DLGAP5: variants seen among roughly 807,000 people sequenced by gnomAD.
DLGAP5 encodes DLG associated protein 5.
Under a neutral mutation model 99.6 loss-of-function variants are expected in DLGAP5, and 90 were observed. The ratio of observed to expected loss-of-function variants is 0.90; its 90% CI spans 0.76 to 1.08. The LOEUF is 1.08. DLGAP5 is among the 50% of genes least tolerant of loss of function. The pLI, the probability that DLGAP5 is intolerant of heterozygous loss-of-function variation, is 0.00. For synonymous variants in DLGAP5, 311 were observed against 321.3 expected, an observed-to-expected ratio of 0.97 and a Z score of 0.34; for missense variants, 1,036 against 983.5, an observed-to-expected ratio of 1.05 and a Z score of -0.71.
chr14:55,159,716 TAGTA>T (rs1337927512), intron 13 of DLGAP5, among the ~76,000 whole-genome samples: 1 of 152,128 alleles, frequency 6.6e-6, no homozygotes, highest in Non-Finnish European at 1.5e-5. Flanking sequence ...AATTAGAGCT[TAGTA>T]AGTGTGGTCT....
chr14:55,156,008 G>T (rs374411802), intron 14 of DLGAP5, among the ~76,000 whole-genome samples: 1 of 151,752 alleles, frequency 6.6e-6, no homozygotes, highest in Non-Finnish European at 1.5e-5. Context: ...GGAGAATGGC[G>T]TGAACCCAGG....
chr14:55,169,455 T>C lies in DLGAP5; in HGVS notation c.1492A>G (p.Ile498Val), dbSNP rs1460120141. Reference sequence around the variant, plus strand: ...AGATCTGTACAGGTAGTCTCCTTTATACCTCGTTTATATTCACAATCATCA... The same window carrying C: ...AGATCTGTACAGGTAGTCTCCTTTACACCTCGTTTATATTCACAATCATCA... ...LVDDCEYKRG[I>V]KETTCTDLDG... The change falls in exon 12 of 19, where the codon ATA (isoleucine) becomes GTA (valine). Residue 498 changes from isoleucine (I) to valine (V), a missense_variant. Transcript: ENST00000247191. The C allele has an allele frequency of 6.2e-7, 1 of 1,612,778 alleles. No homozygotes were observed. Among genetic ancestry groups the C allele is most frequent in the Admixed American group, 1.7e-5 (1 of 59,768 alleles).
chr14:55,175,284 T>C, intron 10 of DLGAP5, 62 bp downstream of exon 10: 7 of 1,509,936 alleles, frequency 4.6e-6, no homozygotes, highest in Non-Finnish European at 5.4e-6. Flanking sequence ...AAATTTTTAG[T>C]TTTGGTTTTA....
intron 11 of DLGAP5, among the ~76,000 whole-genome samples, chr14:55,169,775 T>C (rs1048636536): frequency 6.6e-6 from 1 of 152,234 alleles, no homozygotes; most frequent in African/African-American, 2.4e-5. Flanking sequence ...CTCATACATA[T>C]TGCTATATAC....
chr14:55,155,572 T>C (rs1462611966), intron 14 of DLGAP5, among the ~76,000 whole-genome samples: 3 of 151,646 alleles, frequency 2.0e-5, no homozygotes. Context: ...GGTCTCGAAC[T>C]CCTGACCTCA....
intron 14 of DLGAP5, among the ~76,000 whole-genome samples, chr14:55,157,555 AAATTC>A (rs1489956807): frequency 6.6e-6 from 1 of 152,200 alleles, no homozygotes; most frequent in Non-Finnish European, 1.5e-5. Context: ...CAATTGAGAT[AAATTC>A]AATTCAAGAA....
At chr14:55,189,873 G>T (rs1013604785) in intron 1 of DLGAP5, among the ~76,000 whole-genome samples, 1 of 152,032 alleles carries the variant, frequency 6.6e-6, no homozygotes, top group Non-Finnish European at 1.5e-5. Context: ...TCAACCTTCA[G>T]CTCCTCTCCC....
intron 13 of DLGAP5, among the ~76,000 whole-genome samples, chr14:55,161,260 C>T (rs61975415): frequency 0.012 from 1,823 of 152,128 alleles, 20 homozygotes; most frequent in Non-Finnish European, 0.019. Context: ...ATTAATATTT[C>T]CAGGACTAAA....
chr14:55,148,472 G>T lies in DLGAP5; in HGVS notation c.2420C>A (p.Pro807Gln). The change falls in exon 19 of 19, where the codon CCA becomes CAA. Residue 807 changes from proline (P) to glutamine (Q), a missense_variant and splice_region_variant. Coordinates refer to ENST00000247191, the MANE Select transcript of DLGAP5 (RefSeq NM_014750.5). Reference sequence around the variant, plus strand: ...AAATGGATTACTGCAGTTTAGACCTGGCTGGAGAACAAATCCAGAGAAGTC... The same window carrying T: ...AAATGGATTACTGCAGTTTAGACCTTGCTGGAGAACAAATCCAGAGAAGTC... ...LTTECHLLDS[P>Q]GLNCSNPFTQ... is the part of the protein sequence containing the mutation. 1.9e-6 allele frequency: 3 copies of T among 1,613,838 alleles called. No homozygotes were observed. The highest frequency in any genetic ancestry group is 1.7e-6 in the Non-Finnish European group (2 of 1,179,940).
chr14:55,152,012 G>A, intron 16 of DLGAP5, 71 bp from the exon 17 acceptor site: 1 of 1,453,048 alleles, frequency 6.9e-7, no homozygotes, highest in Non-Finnish European at 9.4e-7. Context: ...AAGTCTTGTT[G>A]CTATTAAATA....
chr14:55,166,901 C>T (rs938813077), intron 12 of DLGAP5, among the ~76,000 whole-genome samples: 10 of 151,036 alleles, frequency 6.6e-5, no homozygotes, highest in African/African-American at 1.9e-4. Context: ...AAAAAGTGCC[C>T]CAATGGCCAA....
intron 2 of DLGAP5, among the ~76,000 whole-genome samples, chr14:55,185,897 C>T (rs907313937): frequency 6.6e-6 from 1 of 152,188 alleles, no homozygotes; most frequent in Non-Finnish European, 1.5e-5. Flanking sequence ...TAATTATGAA[C>T]ATTTTGCTGC....
At chr14:55,170,960 C>T (rs915022340) in intron 10 of DLGAP5, among the ~76,000 whole-genome samples, 173 bp from the exon 11 acceptor site, 1 of 152,204 alleles carries the variant, frequency 6.6e-6, no homozygotes, top group Non-Finnish European at 1.5e-5. Flanking sequence ...TCCATAAATA[C>T]AAGTTGATAC....
chr14:55,188,694 CT>C lies in DLGAP5; in HGVS notation c.238+247del, dbSNP rs559223226. 3.6e-3 allele frequency among the ~76,000 whole-genome samples: 545 copies of C among 151,326 alleles called. 2 individuals carry two copies. The highest frequency in any genetic ancestry group is 6.0e-3 in the Non-Finnish European group (405 of 67,908). On this transcript the variant is annotated intron_variant, in intron 2 of 18. Coordinates refer to ENST00000247191, the MANE Select transcript of DLGAP5 (RefSeq NM_014750.5). ...TTGGGAGGCTGAGGCAAGATAATTC[CT>C]TGAGCCCAGGAATTTGAGGTTACAG...
chr14:55,188,939 T>C lies in DLGAP5; in HGVS notation c.238+3A>G, dbSNP rs772202067. ...CTTAAAATTACAACAGACCTTTACT[T>C]ACTTGGCTTAACATTGGTCTTTTCT... On this transcript the variant is annotated splice_donor_region_variant and intron_variant, in intron 2 of 18. Transcript: ENST00000247191. The C allele has an allele frequency of 4.0e-5, 65 of 1,608,794 alleles. No homozygotes were observed. The Middle Eastern group carries it at 6.7e-4, about 17-fold the overall frequency.
intron 13 of DLGAP5, 152 bp from the exon 14 acceptor site, chr14:55,158,893 A>T (rs1882308822): frequency 1.6e-6 from 1 of 635,136 alleles, no homozygotes; most frequent in African/African-American, 1.8e-5. Context: ...TCAAGTTCCT[A>T]GTATGTGCTA....
intron 12 of DLGAP5, among the ~76,000 whole-genome samples, chr14:55,166,872 T>C (rs68175860): frequency 0.14 from 20,927 of 150,530 alleles, 1,732 homozygotes; most frequent in Non-Finnish European, 0.17. Flanking sequence ...TATAGCTCTT[T>C]TGTGTTTAAA....
chr14:55,162,606 G>C (rs188489239), intron 13 of DLGAP5, among the ~76,000 whole-genome samples: 1 of 137,228 alleles, frequency 7.3e-6, no homozygotes, highest in Non-Finnish European at 1.5e-5. Context: ...GTGATAGAGC[G>C]GGATTCCATC....
chr14:55,186,279 A>AAAAAT (rs1045647215), intron 2 of DLGAP5, among the ~76,000 whole-genome samples: 1 of 152,230 alleles, frequency 6.6e-6, no homozygotes, highest in Non-Finnish European at 1.5e-5. Flanking sequence ...CTCAAAAAAT[A>AAAAAT]AAAATAAAAT....
Sources: gnomAD v4.1 joint callset for allele counts (sites outside exome capture counted in the v4.1 genomes callset) on GRCh38, gnomAD v4.1.1 for gene constraint, MANE v1.5 for transcripts, NCBI Gene and HGNC (gene_info 2026-07-23, HGNC 2026-07-21) for gene names.